CEP170: variants seen among roughly 807,000 people sequenced by gnomAD.
CEP170 encodes centrosomal protein 170.
A neutral mutation model predicts 151.9 loss-of-function variants in CEP170; 21 were observed. The observed-to-expected ratio is 0.14, with a 90% CI of 0.10 to 0.20. The LOEUF (loss-of-function observed/expected upper bound fraction) is 0.20. CEP170 is among the 10% of genes least tolerant of loss of function. The pLI, the probability that CEP170 is intolerant of heterozygous loss-of-function variation, is 1.00. For synonymous variants in CEP170, 356 were observed against 648.8 expected (o/e 0.55, Z 6.86); for missense variants, 964 against 1,892.9 (o/e 0.51, Z 9.11).
chr1:243,126,001 T>C lies in CEP170; in HGVS notation c.*448A>G, dbSNP rs1177049091. The C allele has an allele frequency of 5.2e-6, 2 of 386,316 alleles. No individual in the cohort carries two copies. Among genetic ancestry groups the C allele is most frequent in the African/African-American group, 4.3e-5 (2 of 46,940 alleles). The allele number at this position is 386,316 out of a possible 1,614,324, so 23.9% of individuals were successfully genotyped here. On this transcript the variant is annotated 3_prime_UTR_variant, in exon 20 of 20. Transcript: ENST00000366542. ...GTAATGAGTACTAATATAAATCCTA[T>C]TATTAAGAAGCAAATAGAATGGTTT...
At chr1:243,189,556 CAA>C (rs55684224) in intron 8 of CEP170, among the ~76,000 whole-genome samples, 11 of 65,792 alleles carry the variant, frequency 1.7e-4, no homozygotes, top group Admixed American at 1.6e-4. Context: ...ACTCTGTCTC[CAA>C]AAAAAAAAAA....
chr1:243,195,025 C>T (rs960765855), intron 7 of CEP170, among the ~76,000 whole-genome samples: 11 of 151,614 alleles, frequency 7.3e-5, no homozygotes, highest in African/African-American at 2.7e-4. Context: ...TTTCATTCTT[C>T]TGTACTAAAT....
chr1:243,174,450 T>C (rs1328850023), intron 10 of CEP170, among the ~76,000 whole-genome samples: 1 of 151,916 alleles, frequency 6.6e-6, no homozygotes, highest in Non-Finnish European at 1.5e-5. Context: ...AACTATTTTC[T>C]AGACATAAAG....
At chr1:243,181,442 A>C (rs2059611633) in intron 10 of CEP170, among the ~76,000 whole-genome samples, 1 of 152,218 alleles carries the variant, frequency 6.6e-6, no homozygotes, top group South Asian at 2.1e-4. Flanking sequence ...TGAGAGAGAC[A>C]GCCCCAAAAT....
chr1:243,171,522 A>G (rs2058844529), intron 11 of CEP170, among the ~76,000 whole-genome samples: 1 of 151,632 alleles, frequency 6.6e-6, no homozygotes, highest in South Asian at 2.1e-4. Context: ...TTTGTATATT[A>G]CAAATTAGCT....
intron 10 of CEP170, among the ~76,000 whole-genome samples, chr1:243,177,962 CA>C (rs2059358986): frequency 1.3e-5 from 2 of 152,204 alleles, no homozygotes; most frequent in East Asian, 3.9e-4. Flanking sequence ...AGAAAGAACA[CA>C]ATTATCCATC....
At chr1:243,195,319 T>C (rs1407346788) in intron 7 of CEP170, among the ~76,000 whole-genome samples, 3 of 152,036 alleles carry the variant, frequency 2.0e-5, no homozygotes, top group Non-Finnish European at 4.4e-5. Flanking sequence ...AAATTAATTG[T>C]TGAGACCAAG....
intron 1 of CEP170, among the ~76,000 whole-genome samples, chr1:243,246,056 C>G (rs1388466698): frequency 6.6e-6 from 1 of 151,906 alleles, no homozygotes; most frequent in African/African-American, 2.4e-5. Context: ...GAAGAATAAA[C>G]TGATATAAAC....
Position 243,164,826 on chromosome 1 carries a change from T to A in CEP170, c.3134A>T (p.Glu1045Val). 6.2e-7 allele frequency: 1 copy of A among 1,612,576 alleles called. No homozygotes were observed. The highest frequency in any genetic ancestry group is 8.5e-7 in the Non-Finnish European group (1 of 1,178,866). ...AISDIMSSDQETYSCKPHGRT... is the reference protein window; with the variant it reads ...AISDIMSSDQVTYSCKPHGRT... ...TCCATGAGGTTTACAAGAGTAAGTT[T>A]CTTGATCAGATGACATAATATCAGA... The change falls in exon 13 of 20, where the codon GAA (glutamate) becomes GTA (valine). Residue 1045 changes from glutamate to valine, a missense_variant. By Grantham distance (121) the Glu-to-Val change is moderately radical (BLOSUM62 -2). Coordinates refer to ENST00000366542, the MANE Select transcript of CEP170 (RefSeq NM_014812.3).
intron 7 of CEP170, among the ~76,000 whole-genome samples, chr1:243,194,371 A>T (rs536687774): frequency 6.6e-6 from 1 of 152,052 alleles, no homozygotes; most frequent in African/African-American, 2.4e-5. Flanking sequence ...ATTGCTATTG[A>T]TATATATAAT....
intron 7 of CEP170, among the ~76,000 whole-genome samples, chr1:243,193,318 C>T (rs1426604665): frequency 6.6e-6 from 1 of 151,904 alleles, no homozygotes; most frequent in Non-Finnish European, 1.5e-5. Flanking sequence ...CAAGTCCATA[C>T]AGTACAACTG....
chr1:243,224,855 G>A (rs2063102042), intron 2 of CEP170, among the ~76,000 whole-genome samples: 1 of 152,146 alleles, frequency 6.6e-6, no homozygotes, highest in Non-Finnish European at 1.5e-5. Context: ...TATCACTGAA[G>A]TATCAGTGAT....
intron 3 of CEP170, among the ~76,000 whole-genome samples, chr1:243,221,064 G>C (rs150103696): frequency 3.3e-5 from 5 of 151,548 alleles, no homozygotes; most frequent in African/African-American, 9.7e-5. Flanking sequence ...TTGTTCTGTC[G>C]CCCAGGCTGG....
chr1:243,141,457 T>C (rs1467999978), intron 15 of CEP170, among the ~76,000 whole-genome samples: 1 of 152,184 alleles, frequency 6.6e-6, no homozygotes, highest in African/African-American at 2.4e-5. Flanking sequence ...ATTCTTTAGA[T>C]GTTTTTTCCT....
chr1:243,225,358 A>G (rs1342423976), intron 1 of CEP170, 37 bp from the exon 2 acceptor site: 2 of 848,972 alleles, frequency 2.4e-6, no homozygotes, highest in Non-Finnish European at 3.5e-6. Flanking sequence ...ACGTTCAGAT[A>G]TTTTTAGCTT....
At position 243,201,824 on chromosome 1, in the gene CEP170, G is replaced by A. The variant is rs575222613; in HGVS notation, c.275-989C>T. ...TCATAAATAAAGAACCTGGGTAATG[G>A]ACGGACAGAAACCAAAACAAGAGTC... is the stretch of plus-strand genomic sequence containing the variant. On this transcript the variant is annotated intron_variant, in intron 4 of 19. Transcript: ENST00000366542. 2.3e-3 allele frequency among the ~76,000 whole-genome samples: 353 copies of A among 152,202 alleles called. 1 individual carries two copies. The highest frequency in any genetic ancestry group is 2.9e-3 in the Non-Finnish European group (199 of 67,992).
At chr1:243,204,582 T>C (rs2061283497) in intron 4 of CEP170, among the ~76,000 whole-genome samples, 1 of 152,200 alleles carries the variant, frequency 6.6e-6, no homozygotes, top group Non-Finnish European at 1.5e-5. Context: ...CCACAAAATG[T>C]GGAAACCATA....
intron 1 of CEP170, among the ~76,000 whole-genome samples, chr1:243,235,451 C>G (rs1007752892): frequency 6.6e-6 from 1 of 152,040 alleles, no homozygotes; most frequent in East Asian, 1.9e-4. Context: ...CACAGCTGTG[C>G]TTTTTTTGGA....
At chr1:243,211,845 T>C (rs2061836159) in intron 4 of CEP170, 41 bp downstream of exon 4, 1 of 1,573,850 alleles carries the variant, frequency 6.4e-7, no homozygotes, top group Non-Finnish European at 8.6e-7. Context: ...GTAAACATAT[T>C]TGAATAAATT....
Sources: allele counts gnomAD v4.1 joint callset (sites outside exome capture counted in the v4.1 genomes callset), GRCh38; gene constraint gnomAD v4.1.1; transcripts MANE v1.5; gene names NCBI Gene and HGNC (gene_info 2026-07-23, HGNC 2026-07-21).